DIPK1A: variants seen among roughly 807,000 people sequenced by gnomAD.
DIPK1A encodes family with sequence similarity 69 member A.
Under a neutral mutation model 40.8 loss-of-function variants are expected in DIPK1A, and 27 were observed. The ratio of observed to expected loss-of-function variants is 0.66; its 90% confidence interval spans 0.49 to 0.91. The LOEUF (loss-of-function observed/expected upper bound fraction) is 0.91, where lower values mean the gene tolerates loss of function less well. Ranked by LOEUF, DIPK1A falls within the 40% of genes least tolerant of loss-of-function variation. The probability of loss-of-function intolerance (pLI) is 0.00; values close to 1 mark genes in which losing one functional copy is unlikely to be tolerated. For missense variants in DIPK1A, 412 were observed against 505.7 expected (o/e 0.81, Z 1.78); for synonymous variants, 166 against 171.3 (o/e 0.97, Z 0.24).
At chr1:92,858,942 C>T (rs1236434334) in intron 2 of DIPK1A, among the ~76,000 whole-genome samples, 2 of 152,122 alleles carry the variant, frequency 1.3e-5, no homozygotes, top group African/African-American at 4.8e-5. Flanking sequence ...GGATGATCAG[C>T]GAAAACATCA....
intron 1 of DIPK1A, among the ~76,000 whole-genome samples, chr1:92,906,006 T>C (rs932064829): frequency 3.3e-5 from 5 of 152,176 alleles, no homozygotes; most frequent in Non-Finnish European, 7.4e-5. Context: ...GTCAGTGCCA[T>C]GCTGTTTTGG....
chr1:92,835,203 G>A, intron 4 of DIPK1A: 1 of 480,900 alleles, frequency 2.1e-6, no homozygotes, highest in Non-Finnish European at 3.8e-6. Flanking sequence ...TGTAGCTAGT[G>A]TCTACTTAAT....
chr1:92,857,510 T>G (rs1688024204), intron 2 of DIPK1A, among the ~76,000 whole-genome samples: 1 of 152,070 alleles, frequency 6.6e-6, no homozygotes, highest in East Asian at 1.9e-4. Flanking sequence ...TTAGTAGAGA[T>G]GGGGTTTCAC....
chr1:92,872,248 T>C lies in DIPK1A; in HGVS notation c.189+4048A>G, dbSNP rs140150852. Among the ~76,000 whole-genome samples the C allele has an allele frequency of 3.1e-3, 465 of 151,668 alleles. 4 individuals carry two copies. Among genetic ancestry groups the C allele is most frequent in the African/African-American group, 0.011 (451 of 41,364 alleles). On this transcript the variant is annotated intron_variant, in intron 2 of 4. Coordinates refer to ENST00000370310, the MANE Select transcript of DIPK1A (RefSeq NM_001006605.5). The stretch of plus-strand genomic sequence containing the variant: ...ATGTGTGCCACTACACTCGGCTAAT[T>C]TTTTTGTATTTTTAGTAGAGACAGG...
chr1:92,890,458 T>C (rs1209978905), intron 1 of DIPK1A, among the ~76,000 whole-genome samples: 1 of 152,208 alleles, frequency 6.6e-6, no homozygotes, highest in Admixed American at 6.5e-5. Flanking sequence ...GGGTTTGTCA[T>C]AGATGGCCTT....
At chr1:92,906,780 A>G (rs1649641954) in intron 1 of DIPK1A, among the ~76,000 whole-genome samples, 1 of 152,140 alleles carries the variant, frequency 6.6e-6, no homozygotes, top group Non-Finnish European at 1.5e-5. Flanking sequence ...GGAATTCCGT[A>G]GAGAATCTAT....
intron 1 of DIPK1A, among the ~76,000 whole-genome samples, chr1:92,940,593 G>C (rs192801642): frequency 1.3e-3 from 198 of 152,260 alleles, no homozygotes; most frequent in Non-Finnish European, 2.2e-3. Context: ...AGCAATGGAG[G>C]TATTATGGTT....
rs1386788520 is a variant in DIPK1A at position 92,843,886 on chromosome 1, T to G, written c.784A>C (p.Thr262Pro). 70 of 1,551,670 alleles carry G rather than the reference T, an allele frequency of 4.5e-5. No individual in the cohort carries two copies. The highest frequency in any genetic ancestry group is 5.9e-5 in the Non-Finnish European group (68 of 1,147,016). The change falls in exon 5 of 5, where the codon ACA becomes CCA. Residue 262 changes from threonine to proline, a missense_variant. Thr to Pro is a conservative substitution (Grantham distance 38). Transcript: ENST00000370310. ...GFRRSMDQLF[T>P]PSWPRKAKIA... ...TTGGCCTTTCTTGGCCATGATGGTG[T>G]GAACAGCTGATCCATGCTTCTTCTG...
chr1:92,928,909 C>T (rs1475080607), intron 1 of DIPK1A, among the ~76,000 whole-genome samples: 3 of 151,986 alleles, frequency 2.0e-5, no homozygotes, highest in African/African-American at 7.3e-5. Flanking sequence ...TTGCAGTGAG[C>T]CAAAACCGCA....
At chr1:92,833,049 T>C (rs1372491839) in intron 4 of DIPK1A, 7 of 734,792 alleles carry the variant, frequency 9.5e-6, no homozygotes, top group Non-Finnish European at 1.5e-5. Flanking sequence ...AAGAAACAAA[T>C]ATGGAAATTG....
At chr1:92,836,437 C>T (rs1687130865) in intron 4 of DIPK1A, 1 of 1,559,132 alleles carries the variant, frequency 6.4e-7, no homozygotes, top group African/African-American at 1.4e-5. Flanking sequence ...CGTGGTACTT[C>T]CCTGTTTTTA....
intron 2 of DIPK1A, among the ~76,000 whole-genome samples, chr1:92,856,182 A>G (rs2100737279): frequency 6.6e-6 from 1 of 152,270 alleles, no homozygotes; most frequent in Non-Finnish European, 1.5e-5. Context: ...AGAAACAAAC[A>G]TTATTAGGAA....
chr1:92,956,978 T>G (rs889745312), intron 1 of DIPK1A, among the ~76,000 whole-genome samples: 4 of 152,214 alleles, frequency 2.6e-5, no homozygotes, highest in African/African-American at 9.6e-5. Flanking sequence ...CAACTTTTCA[T>G]ATGCAACAGA....
chr1:92,866,522 C>T (rs1391802912), intron 2 of DIPK1A, among the ~76,000 whole-genome samples: 4 of 152,140 alleles, frequency 2.6e-5, no homozygotes, highest in African/African-American at 9.7e-5. Context: ...AACTATTTAC[C>T]GTACAAACTA....
At chr1:92,879,107 G>A (rs1007428192) in intron 1 of DIPK1A, among the ~76,000 whole-genome samples, 4 of 151,982 alleles carry the variant, frequency 2.6e-5, no homozygotes, top group Non-Finnish European at 5.9e-5. Flanking sequence ...TTGAGCCTGG[G>A]AGGCAGAGGT....
At position 92,843,070 on chromosome 1, in the gene DIPK1A, CA is replaced by C; in HGVS notation, c.*312del. On this transcript the variant is annotated 3_prime_UTR_variant, in exon 5 of 5. Coordinates refer to ENST00000370310, the MANE Select transcript of DIPK1A (RefSeq NM_001006605.5). ...TGGTATTTTGGCTAAGGTAAATCTA[CA>C]AATCACTCACTGTTGATGTTTATGG... 1.5e-5 allele frequency: 16 copies of C among 1,033,484 alleles called. No homozygotes were observed. The highest frequency in any genetic ancestry group is 1.9e-5 in the Non-Finnish European group (16 of 861,580). 64.0% of individuals were successfully genotyped at this position (1,033,484 alleles called of 1,614,324 possible).
intron 1 of DIPK1A, among the ~76,000 whole-genome samples, chr1:92,889,359 GT>G (rs1463362838): frequency 6.6e-6 from 1 of 152,064 alleles, no homozygotes; most frequent in East Asian, 1.9e-4. Flanking sequence ...TTATTGGTCT[GT>G]TTTTATGGCT....
At chr1:92,933,095 A>G (rs1358661037) in intron 1 of DIPK1A, 2 of 152,064 alleles carry the variant, frequency 1.3e-5, no homozygotes, top group African/African-American at 4.8e-5. Context: ...TCTAAAAATT[A>G]AAGTATATTT....
chr1:92,960,433 T>G (rs75145568), intron 1 of DIPK1A, among the ~76,000 whole-genome samples: 1,826 of 152,288 alleles, frequency 0.012, 15 homozygotes, highest in Middle Eastern at 0.027. Context: ...GAATGCAGCG[T>G]TGGCTAACAC....
Sources: gnomAD v4.1 joint callset for allele counts (sites outside exome capture counted in the v4.1 genomes callset) on GRCh38, gnomAD v4.1.1 for gene constraint, MANE v1.5 for transcripts, NCBI Gene and HGNC (gene_info 2026-07-23, HGNC 2026-07-21) for gene names.